Variants in RBMS3 observed in about 807,000 individuals in gnomAD.
RBMS3 encodes RNA-binding motif, single-stranded-interacting protein 3.
Under a neutral mutation model 66.8 loss-of-function variants are expected in RBMS3, and 27 were observed. The ratio of observed to expected loss-of-function variants is 0.40; its 90% CI spans 0.30 to 0.56. The LOEUF (loss-of-function observed/expected upper bound fraction) is 0.56, where lower values mean the gene tolerates loss of function less well. RBMS3 is among the 20% of genes least tolerant of loss of function. The pLI is 0.40. For synonymous variants in RBMS3, 188 were observed against 183.0 expected, an observed-to-expected ratio of 1.03 and a Z score of -0.22; for missense variants, 513 against 549.5, an observed-to-expected ratio of 0.93 and a Z score of 0.66.
chr3:29,902,129 C>T (rs1328905400), intron 10 of RBMS3, among the ~76,000 whole-genome samples: 1 of 151,736 alleles, frequency 6.6e-6, no homozygotes, highest in Non-Finnish European at 1.5e-5. Context: ...ACAGGAAACC[C>T]ATTTTAGCAA....
chr3:29,815,775 G>A lies in RBMS3; in HGVS notation c.637+52786G>A, dbSNP rs377041667. The stretch of plus-strand genomic sequence containing the variant: ...TAAAAATGATATAATGGACTTCGAG[G>A]ACTCAAGGAGGGAGAAGGGTGGGAG... On this transcript the variant is annotated intron_variant, in intron 6 of 14. Coordinates refer to ENST00000383767, the MANE Select transcript of RBMS3 (RefSeq NM_001003793.3). Among the ~76,000 whole-genome samples, 4 of 152,078 alleles carry A rather than the reference G, an allele frequency of 2.6e-5. No homozygotes were observed. In the East Asian group the frequency reaches 5.8e-4, roughly 22 times the overall value.
intron 12 of RBMS3, 190 bp from the exon 13 acceptor site, chr3:29,987,953 G>A (rs3773121): frequency 0.16 from 82,457 of 529,698 alleles, 7,146 homozygotes; most frequent in Middle Eastern, 0.21. Flanking sequence ...GGCTACTGTG[G>A]GTACTTAATC....
intron 11 of RBMS3, among the ~76,000 whole-genome samples, chr3:29,943,225 T>A (rs193266047): frequency 6.6e-6 from 1 of 151,856 alleles, no homozygotes; most frequent in Non-Finnish European, 1.5e-5. Flanking sequence ...ATAAAGGTCA[T>A]ATAAATGGAA....
intron 4 of RBMS3, among the ~76,000 whole-genome samples, chr3:29,639,527 G>A (rs1432812345): frequency 6.6e-6 from 1 of 150,976 alleles, no homozygotes; most frequent in Non-Finnish European, 1.5e-5. Flanking sequence ...ATGAGAAAAT[G>A]TTCACTGTAA....
intron 4 of RBMS3, among the ~76,000 whole-genome samples, chr3:29,592,920 A>G (rs1241192893): frequency 6.7e-6 from 1 of 148,268 alleles, no homozygotes; most frequent in Admixed American, 6.8e-5. Context: ...AAAAAACCAA[A>G]CACCGCATGT....
intron 3 of RBMS3, among the ~76,000 whole-genome samples, chr3:29,517,618 C>T (rs907280972): frequency 7.9e-5 from 12 of 152,146 alleles, no homozygotes; most frequent in East Asian, 1.9e-4. Context: ...CCACCGCGCC[C>T]GGCCCTACAT....
intron 12 of RBMS3, among the ~76,000 whole-genome samples, chr3:29,972,679 C>T (rs1382448685): frequency 6.6e-6 from 1 of 152,054 alleles, no homozygotes; most frequent in Admixed American, 6.6e-5. Context: ...GCATCATTTA[C>T]TTGAGTCCAC....
intron 3 of RBMS3, among the ~76,000 whole-genome samples, chr3:29,492,669 G>A (rs1408716128): frequency 6.6e-6 from 1 of 152,076 alleles, no homozygotes; most frequent in Non-Finnish European, 1.5e-5. Context: ...ACCATACTGA[G>A]AAAGGAGGAA....
chr3:29,983,571 T>C (rs1207145773), intron 12 of RBMS3, among the ~76,000 whole-genome samples: 1 of 152,200 alleles, frequency 6.6e-6, no homozygotes, highest in Non-Finnish European at 1.5e-5. Flanking sequence ...CCTTTCCATA[T>C]TTAGTATTTC....
At chr3:29,678,000 A>T (rs2051325577) in intron 4 of RBMS3, among the ~76,000 whole-genome samples, 1 of 152,194 alleles carries the variant, frequency 6.6e-6, no homozygotes, top group African/African-American at 2.4e-5. Flanking sequence ...AATCATGAGT[A>T]AGTTACATGA....
Position 29,899,722 on chromosome 3 carries a change from G to A in RBMS3, c.906G>A (p.Trp302Ter). The change falls in exon 10 of 15, where the codon TGG (tryptophan) becomes TGA (stop). Residue 302 changes from tryptophan to a stop codon, truncating the protein, a stop_gained. Transcript: ENST00000383767. LOFTEE classifies it high-confidence loss of function. The part of the protein sequence containing the change: ...VSTYQVQSTS[W>*]MPHPPYVMQP... ...ATGCATAGGTCCAGAGTACTTCATG[G>A]ATGCCTCATCCGCCATACGTTATGC... 6.2e-7 allele frequency: 1 copy of A among 1,610,050 alleles called. No homozygotes were observed. The highest frequency in any genetic ancestry group is 1.1e-5 in the South Asian group (1 of 90,938).
chr3:29,776,770 G>A (rs2056440964), intron 6 of RBMS3, among the ~76,000 whole-genome samples: 1 of 151,728 alleles, frequency 6.6e-6, no homozygotes. Flanking sequence ...TGGTACATGG[G>A]GTATATAAGG....
intron 6 of RBMS3, among the ~76,000 whole-genome samples, chr3:29,763,918 A>T (rs1006406405): frequency 6.6e-6 from 1 of 152,088 alleles, no homozygotes; most frequent in Non-Finnish European, 1.5e-5. Context: ...GACTTCTTCC[A>T]TCTTACAATA....
At chr3:29,332,157 C>A (rs912726065) in intron 1 of RBMS3, among the ~76,000 whole-genome samples, 1 of 152,058 alleles carries the variant, frequency 6.6e-6, no homozygotes, top group Non-Finnish European at 1.5e-5. Flanking sequence ...TTTATTCAGC[C>A]CAGCTCTGAA....
intron 4 of RBMS3, among the ~76,000 whole-genome samples, chr3:29,659,670 A>G (rs2050459292): frequency 6.6e-6 from 1 of 152,200 alleles, no homozygotes; most frequent in African/African-American, 2.4e-5. Flanking sequence ...GCTATTGTAA[A>G]TAATACTGCT....
chr3:29,339,044 A>C (rs1336890977), intron 1 of RBMS3, among the ~76,000 whole-genome samples: 1 of 152,158 alleles, frequency 6.6e-6, no homozygotes, highest in Non-Finnish European at 1.5e-5. Context: ...ACTGTAAGCC[A>C]GGAGACTCCA....
chr3:29,679,784 AT>A (rs1164710761), intron 4 of RBMS3, among the ~76,000 whole-genome samples: 1 of 150,822 alleles, frequency 6.6e-6, no homozygotes, highest in Non-Finnish European at 1.5e-5. Flanking sequence ...ATATATATAT[AT>A]ATTATACATA....
chr3:29,750,008 G>A (rs905054187), intron 5 of RBMS3, among the ~76,000 whole-genome samples: 7 of 152,074 alleles, frequency 4.6e-5, no homozygotes, highest in African/African-American at 1.2e-4. Flanking sequence ...ACTTTACCCC[G>A]TTGCTATAAG....
chr3:29,524,703 C>A (rs111356164), intron 3 of RBMS3, among the ~76,000 whole-genome samples: 11,924 of 151,734 alleles, frequency 0.079, 560 homozygotes, highest in South Asian at 0.12. Flanking sequence ...CTTGGCCTCA[C>A]AAAGTGCTGG....
Sources: allele counts gnomAD v4.1 joint callset (sites outside exome capture counted in the v4.1 genomes callset), GRCh38; gene constraint gnomAD v4.1.1; transcripts MANE v1.5; gene names NCBI Gene and HGNC (gene_info 2026-07-23, HGNC 2026-07-21).